Variants in CABP2 observed in about 807,000 individuals in gnomAD.
The protein encoded by CABP2 is calcium binding protein 2.
CABP2 carries 25 observed loss-of-function variants against 28.6 expected under a neutral mutation model. The ratio of observed to expected loss-of-function variants is 0.87; its 90% CI spans 0.64 to 1.22. The LOEUF (loss-of-function observed/expected upper bound fraction) is 1.22. Among genes scored for constraint, CABP2 ranks in the 50% most tolerant of loss-of-function variants. The pLI is 0.00. For synonymous variants in CABP2, 138 were observed against 126.0 expected (o/e 1.09, Z -0.64); for missense variants, 310 against 312.2 (o/e 0.99, Z 0.05).
At chr11:67,520,342 A>C (rs1482924474) in intron 4 of CABP2, among the ~76,000 whole-genome samples, 182 bp from the exon 5 acceptor site, 2 of 152,280 alleles carry the variant, frequency 1.3e-5, no homozygotes, top group East Asian at 3.9e-4. Context: ...GATTTGGCCA[A>C]AAGTGAAAGG....
At position 67,519,882 on chromosome 11, in the gene CABP2, GC is replaced by G. The variant is rs1397034676; in HGVS notation, c.547del (p.Ala183ProfsTer35). ...CTGGCTGAGGCGCTCCCCCAGCAGG[GC>G]CTTGAGGGCCGCCCGGAGCTCGCCC... ...SVGELRAALKALLGERLSQRE... is the reference protein window; with the variant it reads ...SVGELRAALKXLLGERLSQRE... On this transcript the variant is annotated frameshift_variant, in exon 6 of 7. Coordinates refer to ENST00000294288, the MANE Select transcript of CABP2 (RefSeq NM_016366.3). LOFTEE classifies it high-confidence loss of function. 1.9e-6 allele frequency: 3 copies of G among 1,613,278 alleles called. No individual in the cohort carries two copies. The highest frequency in any genetic ancestry group is 2.7e-5 in the African/African-American group (2 of 75,054).
At chr11:67,522,860 C>T (rs1027932037) in intron 1 of CABP2, 144 bp from the exon 2 acceptor site, 1 of 715,300 alleles carries the variant, frequency 1.4e-6, no homozygotes, top group South Asian at 2.0e-5. Flanking sequence ...GAGAGAGGAC[C>T]CTCACCCGTG....
At chr11:67,521,867 G>GC in intron 3 of CABP2, 85 bp downstream of exon 3, 4 of 261,570 alleles carry the variant, frequency 1.5e-5, no homozygotes, top group Non-Finnish European at 1.5e-5. Context: ...GCCCCCACCC[G>GC]ATGCCCCCCC....
intron 3 of CABP2, 127 bp from the exon 4 acceptor site, chr11:67,521,286 G>A (rs894536573): frequency 8.5e-5 from 78 of 920,472 alleles, no homozygotes; most frequent in Non-Finnish European, 1.1e-4. Flanking sequence ...CTGCCTCGGG[G>A]CCTTTGCACG....
At chr11:67,522,766 C>A (rs1226119950) in intron 1 of CABP2, 50 bp from the exon 2 acceptor site, 1 of 1,414,310 alleles carries the variant, frequency 7.1e-7, no homozygotes, top group South Asian at 1.5e-5. Flanking sequence ...GAGCTCTGGG[C>A]CTGATAGCCC....
chr11:67,522,092 A>G, intron 2 of CABP2, 110 bp from the exon 3 acceptor site: 1 of 950,808 alleles, frequency 1.1e-6, no homozygotes, highest in South Asian at 1.5e-5. Flanking sequence ...ACGCACACGC[A>G]GGGCCTGTGT....
Position 67,521,945 on chromosome 11 carries a change from C to A in CABP2, c.244+7G>T, listed in dbSNP as rs1185101500. ...TCAGGGAACCAGTTCCTTCTCCAACCCTTTACCTTCAATCTCCTCGGGCCG... is the reference window on the plus strand; with the variant it reads ...TCAGGGAACCAGTTCCTTCTCCAACACTTTACCTTCAATCTCCTCGGGCCG... On this transcript the variant is annotated splice_region_variant and intron_variant, in intron 3 of 6. Coordinates refer to ENST00000294288, the MANE Select transcript of CABP2 (RefSeq NM_016366.3). 6.2e-7 allele frequency: 1 copy of A among 1,612,104 alleles called. No homozygotes were observed. The highest frequency in any genetic ancestry group is 8.5e-7 in the Non-Finnish European group (1 of 1,179,264).
intron 5 of CABP2, 27 bp downstream of exon 5, chr11:67,520,024 G>A (rs1463146034): frequency 6.2e-7 from 1 of 1,606,436 alleles, no homozygotes; most frequent in African/African-American, 1.3e-5. Flanking sequence ...ACGCAGCCCT[G>A]CCCGCCCTCA....
In CABP2 at chr11:67,519,792, C is replaced by T. The variant is rs149712664; in HGVS notation, c.637+1G>A. 3 of 1,613,534 alleles carry T rather than the reference C, an allele frequency of 1.9e-6. No homozygotes were observed. The African/African-American group carries it at 4.0e-5, about 22-fold the overall frequency. On this transcript the variant is annotated splice_donor_variant, in intron 6 of 6. Coordinates refer to ENST00000294288, the MANE Select transcript of CABP2 (RefSeq NM_016366.3). LOFTEE classifies it high-confidence loss of function. ...GTGTTGCTATGTGCGGCAGGGGGTACCTTCGAAGTCGACCAGACCGTCCCC... is the reference window on the plus strand; with the variant it reads ...GTGTTGCTATGTGCGGCAGGGGGTATCTTCGAAGTCGACCAGACCGTCCCC...
rs878929048 is a variant in CABP2, at chr11:67,519,780, C to G, written c.637+13G>C. The G allele has an allele frequency of 6.2e-7, 1 of 1,612,858 alleles. No homozygotes were observed. The highest frequency in any genetic ancestry group is 1.1e-5 in the South Asian group (1 of 90,998). ...CTTCCAGGGCGTGTGTTGCTATGTG[C>G]GGCAGGGGGTACCTTCGAAGTCGAC... On this transcript the variant is annotated intron_variant, in intron 6 of 6. Transcript: ENST00000294288.
Position 67,522,558 on chromosome 11 carries a change from G to A in CABP2, c.201C>T (p.Ala67=), listed in dbSNP as rs138981491. 1,763 of 1,555,168 alleles carry A rather than the reference G, an allele frequency of 1.1e-3. 2 individuals carry two copies. The highest frequency in any genetic ancestry group is 1.4e-3 in the Non-Finnish European group (1,575 of 1,149,120). Residue 67 remains alanine (A), a synonymous_variant, in exon 2 of 7, where the codon GCC becomes GCT. Transcript: ENST00000294288. ...TGGCCGTACATACGAGTTGGGTGGC[G>A]GCAATGCTGGGCCGCAGGAAGATGC... ...PACIFLRPSI[A]ATQLDRELRP...
chr11:67,521,102 C>G lies in CABP2; in HGVS notation c.302G>C (p.Arg101Pro). 1 of 1,613,694 alleles carries G rather than the reference C, an allele frequency of 6.2e-7. No individual in the cohort carries two copies. The highest frequency in any genetic ancestry group is 8.5e-7 in the Non-Finnish European group (1 of 1,179,934). ...DRDRDGYIGC[R>P]ELGACMRTLG... ...GGTCCGCATGCAGGCACCCAGCTCCCGGCAGCCAATGTAGCCGTCCCGGTC... is the reference window on the plus strand; with the variant it reads ...GGTCCGCATGCAGGCACCCAGCTCCGGGCAGCCAATGTAGCCGTCCCGGTC... Residue 101 changes from arginine (R) to proline (P), a missense_variant, in exon 4 of 7, where the codon CGG becomes CCG. By Grantham distance (103) the Arg-to-Pro change is moderately radical. Transcript: ENST00000294288.
Position 67,519,048 on chromosome 11 carries a change from C to T in CABP2, c.*91G>A. The T allele has an allele frequency of 7.0e-7, 1 of 1,434,772 alleles. No homozygotes were observed. Among genetic ancestry groups the T allele is most frequent in the Admixed American group, 1.7e-5 (1 of 58,936 alleles). 88.9% of individuals were successfully genotyped at this position (1,434,772 alleles called of 1,614,324 possible). On this transcript the variant is annotated 3_prime_UTR_variant, in exon 7 of 7. Coordinates refer to ENST00000294288, the MANE Select transcript of CABP2 (RefSeq NM_016366.3). ...TGGGATGGGGAGGAAAGGAGGGTCC[C>T]CGCTAGAGGCGATGGGCTTCAAGGA...
Position 67,519,174 on chromosome 11 carries a change from C to T in CABP2, c.638-10G>A, listed in dbSNP as rs188811948. ...ATCATTCGCACAAACTCTGCCAGGA[C>T]GAAGCCAAGGTTTTGGGTCTGTTCT... On this transcript the variant is annotated splice_polypyrimidine_tract_variant and intron_variant, in intron 6 of 6. Coordinates refer to ENST00000294288, the MANE Select transcript of CABP2 (RefSeq NM_016366.3). The T allele has an allele frequency of 1.2e-4, 186 of 1,613,796 alleles. 1 individual carries two copies. The African/African-American group carries it at 2.0e-3, about 18-fold the overall frequency.
Position 67,520,063 on chromosome 11 carries a change from G to A in CABP2, c.477C>T (p.Asp159=), listed in dbSNP as rs1337716487. The A allele has an allele frequency of 2.5e-6, 4 of 1,612,592 alleles. No homozygotes were observed. Among genetic ancestry groups the A allele is most frequent in the Non-Finnish European group, 3.4e-6 (4 of 1,179,656 alleles). ...CCAGTGGCCGCACCTCCCGGAAGGC[G>A]TCCCGTAGCTCCCGGACACCGATCA... ...ADMIGVRELR[D]AFREFDTNGD... Residue 159 remains aspartate (D), a synonymous_variant, in exon 5 of 7, where the codon GAC becomes GAT. Coordinates refer to ENST00000294288, the MANE Select transcript of CABP2 (RefSeq NM_016366.3).
At position 67,522,587 on chromosome 11, in the gene CABP2, C is replaced by T. The variant is rs1455487736; in HGVS notation, c.172G>A (p.Ala58Thr). The T allele has an allele frequency of 2.6e-6, 4 of 1,553,266 alleles. No individual in the cohort carries two copies. The highest frequency in any genetic ancestry group is 1.4e-5 in the African/African-American group (1 of 73,168). Reference protein sequence around the residue: ...YSVLNSLVGPACIFLRPSIAA... With the variant: ...YSVLNSLVGPTCIFLRPSIAA... The stretch of plus-strand genomic sequence containing the variant: ...ATGCTGGGCCGCAGGAAGATGCAGG[C>T]AGGCCCCACCAGGCTGTTGAGCACC... Residue 58 changes from alanine (A) to threonine (T), a missense_variant, in exon 2 of 7, where the codon GCC becomes ACC. Physicochemically the swap from Ala to Thr is moderately conservative, Grantham distance 58. Coordinates refer to ENST00000294288, the MANE Select transcript of CABP2 (RefSeq NM_016366.3).
rs1463060940 is a variant in CABP2, at chr11:67,522,649, T to C, written c.110A>G (p.Glu37Gly). The C allele has an allele frequency of 6.5e-7, 1 of 1,543,284 alleles. No individual in the cohort carries two copies. The highest frequency in any genetic ancestry group is 2.0e-5 in the Admixed American group (1 of 50,636). Residue 37 changes from glutamate to glycine, a missense_variant, in exon 2 of 7, where the codon GAG becomes GGG. By Grantham distance (98) the Glu-to-Gly change is moderately conservative (BLOSUM62 -2). Coordinates refer to ENST00000294288, the MANE Select transcript of CABP2 (RefSeq NM_016366.3). ...GACGCCTGGCGCGGGGTCCCCCTGC[T>C]CCTTGGGGCTGGAGCTGGGGCTGGG... ...SCPSPSSSPK[E>G]QGDPAPGVQG...
At chr11:67,522,801 C>T (rs1232008936) in intron 1 of CABP2, 85 bp from the exon 2 acceptor site, 1 of 1,290,252 alleles carries the variant, frequency 7.8e-7, no homozygotes, top group African/African-American at 1.5e-5. Flanking sequence ...ACCAGCTGCT[C>T]CTGTCTTTGG....
intron 1 of CABP2, among the ~76,000 whole-genome samples, chr11:67,523,028 G>A (rs1386514875): frequency 6.6e-6 from 1 of 152,240 alleles, no homozygotes; most frequent in Non-Finnish European, 1.5e-5. Flanking sequence ...GGCTAGCAGA[G>A]AGCGGGGACC....
Sources: gnomAD v4.1 joint callset for allele counts (sites outside exome capture counted in the v4.1 genomes callset) on GRCh38, gnomAD v4.1.1 for gene constraint, MANE v1.5 for transcripts, NCBI Gene and HGNC (gene_info 2026-07-23, HGNC 2026-07-21) for gene names.